Variants in CCDC80 observed in about 807,000 individuals in gnomAD.
CCDC80 encodes the protein coiled-coil domain-containing protein 80.
In CCDC80, 49 loss-of-function variants were observed where a neutral mutation model predicts 78.7. The observed-to-expected ratio is 0.62, with a 90% confidence interval of 0.50 to 0.79. The LOEUF (loss-of-function observed/expected upper bound fraction) is 0.79. Among genes scored for constraint, CCDC80 ranks in the 30% least tolerant of loss-of-function variants. The probability of loss-of-function intolerance (pLI) is 0.00; values close to 1 mark genes in which losing one functional copy is unlikely to be tolerated. For synonymous variants in CCDC80, 488 were observed against 447.0 expected (o/e 1.09, Z -1.16); for missense variants, 1,205 against 1,198.6 (o/e 1.01, Z -0.08).
intron 5 of CCDC80, among the ~76,000 whole-genome samples, chr3:112,616,046 A>G (rs1221579952): frequency 6.6e-6 from 1 of 152,194 alleles, no homozygotes; most frequent in East Asian, 1.9e-4. Context: ...GCGAGATCCA[A>G]GAACCCTCTC....
intron 3 of CCDC80, among the ~76,000 whole-genome samples, chr3:112,621,933 A>C (rs955244749): frequency 1.3e-5 from 2 of 152,192 alleles, no homozygotes; most frequent in Non-Finnish European, 2.9e-5. Context: ...CTCACCCCTC[A>C]TAAGTATTGT....
rs1274295786 is a variant in CCDC80 at position 112,600,065 on chromosome 3, A to G, written c.*5352T>C. 1 of 152,340 alleles carries G rather than the reference A, an allele frequency of 6.6e-6. No individual in the cohort carries two copies. The highest frequency in any genetic ancestry group is 1.9e-4 in the East Asian group (1 of 5,180). 9.4% of individuals were successfully genotyped at this position (152,340 alleles called of 1,614,324 possible). On this transcript the variant is annotated 3_prime_UTR_variant, in exon 8 of 8. Transcript: ENST00000206423. ...TTTGGGAAGAAATGCTTTTATGGAG[A>G]AACTACTCAGATTTGAAACTACCTA...
intron 3 of CCDC80, among the ~76,000 whole-genome samples, chr3:112,629,476 A>C (rs1044297001): frequency 6.6e-6 from 1 of 152,228 alleles, no homozygotes; most frequent in East Asian, 1.9e-4. Context: ...GAGAACTGCA[A>C]TGAGTTAGAT....
chr3:112,612,426 A>G (rs1037757817), intron 5 of CCDC80, among the ~76,000 whole-genome samples: 5 of 152,316 alleles, frequency 3.3e-5, no homozygotes, highest in East Asian at 3.9e-4. Flanking sequence ...CCTGTCCCAG[A>G]CACAACTAAG....
intron 3 of CCDC80, among the ~76,000 whole-genome samples, chr3:112,623,465 A>C (rs1935907599): frequency 1.3e-5 from 2 of 152,146 alleles, no homozygotes; most frequent in Admixed American, 6.5e-5. Flanking sequence ...CATTCCTTTG[A>C]AAGTTCCCAA....
At chr3:112,637,888 A>C in intron 2 of CCDC80, 140 bp downstream of exon 2, 1 of 1,377,146 alleles carries the variant, frequency 7.3e-7, no homozygotes, top group African/African-American at 1.5e-5. Context: ...CTCTTTTGCC[A>C]GACTTCTGAG....
chr3:112,628,392 T>C (rs752144721), intron 3 of CCDC80, among the ~76,000 whole-genome samples: 25 of 152,264 alleles, frequency 1.6e-4, no homozygotes, highest in Middle Eastern at 6.8e-3. Context: ...CAATAACAAG[T>C]ATTTTGCCAT....
At chr3:112,617,685 C>T (rs1277847508) in intron 4 of CCDC80, among the ~76,000 whole-genome samples, 1 of 152,258 alleles carries the variant, frequency 6.6e-6, no homozygotes, top group African/African-American at 2.4e-5. Context: ...GTCAGCTATT[C>T]TGATAGCATA....
intron 3 of CCDC80, among the ~76,000 whole-genome samples, chr3:112,625,105 A>T (rs1200470965): frequency 6.6e-6 from 1 of 152,204 alleles, no homozygotes; most frequent in African/African-American, 2.4e-5. Flanking sequence ...AAATGGGCAA[A>T]GAACACTAAA....
In CCDC80 at chr3:112,608,347, C is replaced by CA. The variant is rs1259357269; in HGVS notation, c.2426-1092dup. ...GCTAAAATCTAGGCAAAATGCTATT[C>CA]AAAAAAATTTTTTTTTCACCTTTAC... On this transcript the variant is annotated intron_variant, in intron 6 of 7. Transcript: ENST00000206423. Among the ~76,000 whole-genome samples the CA allele has an allele frequency of 6.6e-5, 10 of 152,056 alleles. No homozygotes were observed. In the East Asian group the frequency reaches 9.6e-4, roughly 15 times the overall value.
intron 5 of CCDC80, among the ~76,000 whole-genome samples, chr3:112,611,708 T>G (rs552303666): frequency 8.6e-4 from 131 of 152,330 alleles, no homozygotes; most frequent in African/African-American, 2.9e-3. Flanking sequence ...AGAGAAGGTA[T>G]GCATCTAAGG....
chr3:112,613,777 A>G (rs1183486869), intron 5 of CCDC80, among the ~76,000 whole-genome samples: 1 of 152,122 alleles, frequency 6.6e-6, no homozygotes, highest in African/African-American at 2.4e-5. Context: ...GGGATAGATC[A>G]CTAACCCTGG....
chr3:112,608,342 C>G (rs190644365), intron 6 of CCDC80, among the ~76,000 whole-genome samples: 1 of 152,098 alleles, frequency 6.6e-6, no homozygotes, highest in African/African-American at 2.4e-5. Flanking sequence ...AGGCAAAATG[C>G]TATTCAAAAA....
In CCDC80 at chr3:112,598,407, A is replaced by G. The variant is rs1345784938; in HGVS notation, c.*7010T>C. The G allele has an allele frequency of 6.6e-6, 1 of 152,316 alleles. No individual in the cohort carries two copies. Among genetic ancestry groups the G allele is most frequent in the Non-Finnish European group, 1.5e-5 (1 of 68,120 alleles). The allele number at this position is 152,316 out of a possible 1,614,324, so 9.4% of individuals were successfully genotyped here. On this transcript the variant is annotated 3_prime_UTR_variant, in exon 8 of 8. Coordinates refer to ENST00000206423, the MANE Select transcript of CCDC80 (RefSeq NM_199511.3). ...AATCAACTGTAGTCATCTGAGAGCC[A>G]GAATTATTATTGATAGAGGGGCCTG...
At chr3:112,634,742 T>C (rs192340124) in intron 2 of CCDC80, among the ~76,000 whole-genome samples, 14 of 152,344 alleles carry the variant, frequency 9.2e-5, no homozygotes, top group Non-Finnish European at 1.8e-4. Flanking sequence ...GCAAGATCAT[T>C]CCTCAGTTTC....
chr3:112,611,539 T>G (rs1324524906), intron 5 of CCDC80, among the ~76,000 whole-genome samples: 2 of 152,206 alleles, frequency 1.3e-5, no homozygotes, highest in Non-Finnish European at 2.9e-5. Flanking sequence ...AAAACAAGGC[T>G]TAGAGAAGTG....
At chr3:112,626,620 T>G (rs1053146439) in intron 3 of CCDC80, among the ~76,000 whole-genome samples, 2 of 152,290 alleles carry the variant, frequency 1.3e-5, no homozygotes, top group Non-Finnish European at 2.9e-5. Flanking sequence ...TAATCTTGGC[T>G]CACTGCAACC....
rs1935377774 is a variant in CCDC80 at position 112,601,688 on chromosome 3, AAAAAAAAAG to A, written c.*3720_*3728del. ...AGTGAGACCCTCTCCAAAAAAAGAA[AAAAAAAAAG>A]AGAAAAAAAAGAAGCAGCAGCAACG... On this transcript the variant is annotated 3_prime_UTR_variant, in exon 8 of 8. Transcript: ENST00000206423. The A allele has an allele frequency of 1.8e-5, 1 of 56,702 alleles. No homozygotes were observed. Among genetic ancestry groups the A allele is most frequent in the African/African-American group, 6.1e-5 (1 of 16,336 alleles). 3.5% of individuals were successfully genotyped at this position (56,702 alleles called of 1,614,324 possible). A position where few individuals can be genotyped will look rare whatever the true frequency, so the allele number is the denominator to read the frequency against.
At chr3:112,639,949 G>A (rs1218038863) in intron 1 of CCDC80, 33 bp from the exon 2 acceptor site, 2 of 1,559,382 alleles carry the variant, frequency 1.3e-6, no homozygotes, top group African/African-American at 1.4e-5. Context: ...AAAACAAAGG[G>A]GAGGGGGAAA....
Sources: gnomAD v4.1 joint callset for allele counts (sites outside exome capture counted in the v4.1 genomes callset) on GRCh38, gnomAD v4.1.1 for gene constraint, MANE v1.5 for transcripts, NCBI Gene and HGNC (gene_info 2026-07-23, HGNC 2026-07-21) for gene names.